The following PTPRD variants were observed in gnomAD, a reference collection of about 807,000 sequenced individuals.
The protein encoded by PTPRD is protein tyrosine phosphatase receptor type D.
In PTPRD, 34 loss-of-function variants were observed where a neutral mutation model predicts 214.5. That is an observed-to-expected ratio of 0.16 (90% CI 0.12 to 0.21). PTPRD has a LOEUF of 0.21. Ranked by LOEUF, PTPRD falls within the 10% of genes least tolerant of loss-of-function variation. The pLI, the probability that PTPRD is intolerant of heterozygous loss-of-function variation, is 1.00. For missense variants in PTPRD, 2,545 were observed against 2,398.7 expected, an observed-to-expected ratio of 1.06 and a Z score of -1.27; for synonymous variants, 1,128 against 845.7, an observed-to-expected ratio of 1.33 and a Z score of -5.79.
At chr9:8,411,607 T>C (rs556116330) in intron 35 of PTPRD, among the ~76,000 whole-genome samples, 4 of 152,224 alleles carry the variant, frequency 2.6e-5, no homozygotes, top group African/African-American at 7.2e-5. Flanking sequence ...CCCAACACTA[T>C]ACATGGCTTT....
chr9:8,338,119 C>A lies in PTPRD; in HGVS notation c.5379+803G>T, dbSNP rs986392200. On this transcript the variant is annotated intron_variant, in intron 43 of 45. Coordinates refer to ENST00000381196, the MANE Select transcript of PTPRD (RefSeq NM_002839.4). The stretch of plus-strand genomic sequence containing the variant: ...GGAGAAAGCTGCTTTCCAGAAAAAA[C>A]AATGGATCAACTAAATAGCTTTACC... 6.6e-5 allele frequency among the ~76,000 whole-genome samples: 10 copies of A among 152,126 alleles called. No homozygotes were observed. The East Asian group carries it at 1.9e-3, about 30-fold the overall frequency.
Position 10,122,160 on chromosome 9 carries a change from T to C in PTPRD, c.-544-88370A>G, listed in dbSNP as rs566244178. 6.6e-5 allele frequency among the ~76,000 whole-genome samples: 10 copies of C among 152,046 alleles called. 1 individual carries two copies. The highest frequency in any genetic ancestry group is 1.9e-4 in the African/African-American group (8 of 41,488). On this transcript the variant is annotated intron_variant, in intron 3 of 45. Transcript: ENST00000381196. ...CCATCTCTACTAAAAATACAAAAAT[T>C]AGCTGGGCATGGTGGTGCTTGCCTG...
intron 8 of PTPRD, among the ~76,000 whole-genome samples, chr9:9,491,970 G>A: frequency 6.6e-6 from 1 of 151,866 alleles, no homozygotes; most frequent in Non-Finnish European, 1.5e-5. Context: ...TCTTTAAAAG[G>A]ATTTTTTAAA....
At position 9,665,132 on chromosome 9, in the gene PTPRD, GA is replaced by G. The variant is rs569464663; in HGVS notation, c.-287+69400del. Among the ~76,000 whole-genome samples the G allele has an allele frequency of 7.2e-5, 11 of 151,738 alleles. No homozygotes were observed. The South Asian group carries it at 2.1e-3, about 29-fold the overall frequency. ...CTATGTGTGTATGTGGGGAGAGAGA[GA>G]GGGGTGAGGAATAATTACTCAGAAA... On this transcript the variant is annotated intron_variant, in intron 7 of 45. Coordinates refer to ENST00000381196, the MANE Select transcript of PTPRD (RefSeq NM_002839.4).
rs2099769791 is a variant in PTPRD at position 9,087,975 on chromosome 9, A to G, written c.-142-69240T>C. On this transcript the variant is annotated intron_variant, in intron 10 of 45. Coordinates refer to ENST00000381196, the MANE Select transcript of PTPRD (RefSeq NM_002839.4). ...TAGCTCACTGAAACCTCCACCTTCC[A>G]GGTTCAAGAGATTCTCTTGCCCCAG... is the stretch of plus-strand genomic sequence containing the variant. Among the ~76,000 whole-genome samples, 7 of 129,858 alleles carry G rather than the reference A, an allele frequency of 5.4e-5. No individual in the cohort carries two copies. The South Asian group carries it at 1.7e-3, about 31-fold the overall frequency. The allele number at this position is 129,858 out of a possible 152,430, so 85.2% of individuals were successfully genotyped here.
chr9:8,521,041 T>A (rs2138820132), intron 20 of PTPRD, among the ~76,000 whole-genome samples: 1 of 152,292 alleles, frequency 6.6e-6, no homozygotes, highest in African/African-American at 2.4e-5. Context: ...CTCCATGGAC[T>A]GTCTTTTAAT....
intron 10 of PTPRD, among the ~76,000 whole-genome samples, chr9:9,182,920 C>A (rs764086969): frequency 3.3e-5 from 5 of 151,838 alleles, no homozygotes; most frequent in Admixed American, 6.6e-5. Context: ...GCGAGACCAC[C>A]ACCGAGGGCT....
chr9:8,823,250 C>T (rs2097107578), intron 11 of PTPRD, among the ~76,000 whole-genome samples: 1 of 152,090 alleles, frequency 6.6e-6, no homozygotes, highest in South Asian at 2.1e-4. Flanking sequence ...TTCCACTGAA[C>T]CCCTTCTTAA....
intron 7 of PTPRD, among the ~76,000 whole-genome samples, chr9:9,637,881 T>C (rs150984190): frequency 1.3e-5 from 2 of 152,266 alleles, no homozygotes; most frequent in African/African-American, 4.8e-5. Context: ...TTCTAAAATC[T>C]AGTGGAAGGA....
At chr9:8,647,295 T>G (rs559865548) in intron 12 of PTPRD, among the ~76,000 whole-genome samples, 1 of 152,256 alleles carries the variant, frequency 6.6e-6, no homozygotes, top group Non-Finnish European at 1.5e-5. Flanking sequence ...TACGTATTTA[T>G]TATAAATTAG....
In PTPRD at chr9:9,259,901, C is replaced by T. The variant is rs1024554250; in HGVS notation, c.-202-76538G>A. On this transcript the variant is annotated intron_variant, in intron 9 of 45. Transcript: ENST00000381196. ...GAAGATGAACTTAGGAAAAGTGATG[C>T]GAGGAGGGTTTAAGGAAAGCCGGCA... is the stretch of plus-strand genomic sequence containing the variant. Among the ~76,000 whole-genome samples, 9 of 151,662 alleles carry T rather than the reference C, an allele frequency of 5.9e-5. No homozygotes were observed. In the East Asian group the frequency reaches 1.4e-3, roughly 23 times the overall value.
chr9:8,948,043 C>T lies in PTPRD; in HGVS notation c.-104+70654G>A, dbSNP rs535628246. Among the ~76,000 whole-genome samples the T allele has an allele frequency of 4.9e-4, 68 of 139,330 alleles. 2 individuals carry two copies. The South Asian group carries it at 0.012, about 25-fold the overall frequency. 91.4% of individuals were successfully genotyped at this position (139,330 alleles called of 152,430 possible). A position where few individuals can be genotyped will look rare whatever the true frequency, so the allele number is the denominator to read the frequency against. ...TCTCTTTTTTTTTTTTTTTTTGAGA[C>T]GGAGTCTCACTCTGTCGCCAGGCTG... On this transcript the variant is annotated intron_variant, in intron 11 of 45. Transcript: ENST00000381196.
At chr9:9,318,614 T>C (rs1038770217) in intron 9 of PTPRD, among the ~76,000 whole-genome samples, 3 of 152,182 alleles carry the variant, frequency 2.0e-5, no homozygotes, top group Non-Finnish European at 4.4e-5. Context: ...GAATTTAAAG[T>C]ATAATCACTT....
At chr9:10,140,142 G>A (rs2098973410) in intron 3 of PTPRD, among the ~76,000 whole-genome samples, 1 of 152,008 alleles carries the variant, frequency 6.6e-6, no homozygotes, top group East Asian at 1.9e-4. Context: ...CAAACCATCT[G>A]CAGAATGGGA....
At chr9:9,233,648 G>T (rs866749267) in intron 9 of PTPRD, among the ~76,000 whole-genome samples, 25 of 152,268 alleles carry the variant, frequency 1.6e-4, no homozygotes, top group Middle Eastern at 6.8e-3. Flanking sequence ...TACAATTAGG[G>T]TACATGCATT....
At chr9:8,552,255 G>C (rs1160138949) in intron 14 of PTPRD, among the ~76,000 whole-genome samples, 1 of 152,156 alleles carries the variant, frequency 6.6e-6, no homozygotes, top group Non-Finnish European at 1.5e-5. Flanking sequence ...CAGATCTTTG[G>C]AAAGTACAGG....
At chr9:8,949,585 T>C (rs2099090785) in intron 11 of PTPRD, among the ~76,000 whole-genome samples, 1 of 152,146 alleles carries the variant, frequency 6.6e-6, no homozygotes, top group African/African-American at 2.4e-5. Context: ...GTTTTGCTAA[T>C]GTGATGTTGA....
chr9:10,422,103 C>T (rs1313220192), intron 2 of PTPRD, among the ~76,000 whole-genome samples: 1 of 151,826 alleles, frequency 6.6e-6, no homozygotes, highest in Non-Finnish European at 1.5e-5. Flanking sequence ...GTACTGGTAC[C>T]AAAACAAGAT....
intron 9 of PTPRD, among the ~76,000 whole-genome samples, chr9:9,321,831 G>A (rs1966723493): frequency 6.6e-6 from 1 of 152,078 alleles, no homozygotes; most frequent in South Asian, 2.1e-4. Flanking sequence ...TTCATGTAAG[G>A]TGGTTAGCAC....
Sources: gnomAD v4.1 joint callset for allele counts (sites outside exome capture counted in the v4.1 genomes callset) on GRCh38, gnomAD v4.1.1 for gene constraint, MANE v1.5 for transcripts, NCBI Gene and HGNC (gene_info 2026-07-23, HGNC 2026-07-21) for gene names.